Variants in COLGALT2 observed in about 807,000 individuals in gnomAD.
COLGALT2 encodes the protein collagen beta(1-O)galactosyltransferase 2.
Under a neutral mutation model 73.4 loss-of-function variants are expected in COLGALT2, and 49 were observed. The observed-to-expected ratio is 0.67, with a 90% confidence interval of 0.53 to 0.85. COLGALT2 has a LOEUF of 0.85. COLGALT2 is among the 40% of genes least tolerant of loss of function. COLGALT2 has a pLI of 0.00. For synonymous variants in COLGALT2, 295 were observed against 307.6 expected (o/e 0.96, Z 0.43); for missense variants, 722 against 790.2 (o/e 0.91, Z 1.03).
chr1:184,001,571 A>G (rs1329962858), intron 1 of COLGALT2, among the ~76,000 whole-genome samples: 4 of 151,774 alleles, frequency 2.6e-5, no homozygotes, highest in East Asian at 1.9e-4. Flanking sequence ...TTTTAACTCT[A>G]TTTTCCAGTT....
At chr1:183,945,729 T>C (rs1257966132) in intron 8 of COLGALT2, 165 bp from the exon 9 acceptor site, 14 of 734,866 alleles carry the variant, frequency 1.9e-5, no homozygotes, top group Non-Finnish European at 2.9e-5. Context: ...TGTGTCACAC[T>C]AGTATTATGA....
chr1:184,022,859 A>C (rs762410127), intron 1 of COLGALT2, among the ~76,000 whole-genome samples: 7 of 152,212 alleles, frequency 4.6e-5, no homozygotes, highest in Non-Finnish European at 8.8e-5. Flanking sequence ...CTTGAGCCCT[A>C]GTGTTACCAA....
intron 1 of COLGALT2, among the ~76,000 whole-genome samples, chr1:184,036,671 C>T (rs116183592): frequency 0.01 from 1,548 of 152,338 alleles, 22 homozygotes; most frequent in African/African-American, 0.035. Flanking sequence ...TCTGTCGTAT[C>T]TACATGGGAA....
In COLGALT2 at chr1:184,020,013, C is replaced by T. The variant is rs143335871; in HGVS notation, c.263+17082G>A. The stretch of plus-strand genomic sequence containing the variant: ...GAGATAAATGCAGATCTATTGGTGT[C>T]CAGCACTCGCCTGGTTTTTAGACTT... On this transcript the variant is annotated intron_variant, in intron 1 of 11. Transcript: ENST00000361927. Among the ~76,000 whole-genome samples the T allele has an allele frequency of 3.6e-3, 554 of 152,308 alleles. 3 individuals carry two copies. Among genetic ancestry groups the T allele is most frequent in the African/African-American group, 0.013 (533 of 41,566 alleles).
intron 1 of COLGALT2, among the ~76,000 whole-genome samples, chr1:184,036,130 G>A (rs1649665759): frequency 6.6e-6 from 1 of 152,120 alleles, no homozygotes; most frequent in Non-Finnish European, 1.5e-5. Flanking sequence ...CTTCTTGTCC[G>A]AGTACCTACC....
chr1:183,976,340 C>T (rs894089998), intron 2 of COLGALT2, among the ~76,000 whole-genome samples: 2 of 37,590 alleles, frequency 5.3e-5, no homozygotes, highest in South Asian at 7.7e-4. Context: ...TTGAGAAACA[C>T]ATATGTATAT....
intron 1 of COLGALT2, among the ~76,000 whole-genome samples, chr1:184,013,795 T>C (rs1310101893): frequency 1.3e-5 from 2 of 151,786 alleles, no homozygotes; most frequent in African/African-American, 2.4e-5. Flanking sequence ...AAATGGGAGA[T>C]GGCGGTGACT....
chr1:183,965,914 G>A (rs1464228958), intron 5 of COLGALT2, among the ~76,000 whole-genome samples: 1 of 152,204 alleles, frequency 6.6e-6, no homozygotes, highest in Non-Finnish European at 1.5e-5. Flanking sequence ...AGGGTGATGA[G>A]AAGAATGTGT....
rs536538067 is a variant in COLGALT2 at position 183,986,029 on chromosome 1, G to A, written c.264-7509C>T. Among the ~76,000 whole-genome samples, 37 of 152,184 alleles carry A rather than the reference G, an allele frequency of 2.4e-4. 1 individual carries two copies. Among genetic ancestry groups the A allele is most frequent in the African/African-American group, 8.9e-4 (37 of 41,506 alleles). On this transcript the variant is annotated intron_variant, in intron 1 of 11. Transcript: ENST00000361927. Reference sequence around the variant, plus strand: ...CATTTTCAAGAAAGGTCATATCATCGAGTCCCGCCACCTCTGTGTCCAGTC... The same window carrying A: ...CATTTTCAAGAAAGGTCATATCATCAAGTCCCGCCACCTCTGTGTCCAGTC...
chr1:183,984,659 G>C (rs540166351), intron 1 of COLGALT2, among the ~76,000 whole-genome samples: 97 of 152,262 alleles, frequency 6.4e-4, no homozygotes, highest in African/African-American at 1.9e-3. Flanking sequence ...TACCTGAAAA[G>C]GGAGTGCTGG....
chr1:184,017,724 C>A (rs1047160930), intron 1 of COLGALT2, among the ~76,000 whole-genome samples: 1 of 152,114 alleles, frequency 6.6e-6, no homozygotes, highest in East Asian at 1.9e-4. Flanking sequence ...TTGTGATGGG[C>A]CCCTGGAGCA....
intron 1 of COLGALT2, among the ~76,000 whole-genome samples, chr1:184,006,637 G>C (rs905976421): frequency 6.6e-6 from 1 of 151,428 alleles, no homozygotes; most frequent in Admixed American, 6.6e-5. Flanking sequence ...AAGATTATGA[G>C]GGCAAAGGAT....
At chr1:183,965,897 G>A (rs967200678) in intron 5 of COLGALT2, among the ~76,000 whole-genome samples, 3 of 152,168 alleles carry the variant, frequency 2.0e-5, no homozygotes, top group Non-Finnish European at 4.4e-5. Flanking sequence ...AATTACAATG[G>A]GAGAACAGGG....
chr1:184,023,618 T>G (rs1019404003), intron 1 of COLGALT2, among the ~76,000 whole-genome samples: 1 of 141,950 alleles, frequency 7.0e-6, no homozygotes, highest in Non-Finnish European at 1.5e-5. Context: ...ACTGCTGTTT[T>G]TGCTTTTTCC....
rs373604536 is a variant in COLGALT2 at position 184,024,982 on chromosome 1, C to T, written c.263+12113G>A. Among the ~76,000 whole-genome samples the T allele has an allele frequency of 2.6e-5, 4 of 152,322 alleles. No homozygotes were observed. In the East Asian group the frequency reaches 7.7e-4, roughly 29 times the overall value. On this transcript the variant is annotated intron_variant, in intron 1 of 11. Coordinates refer to ENST00000361927, the MANE Select transcript of COLGALT2 (RefSeq NM_015101.4). ...TCCAGAGGGACACTTAATAATCTGC[C>T]TCTCATAGGGCAAGGAGAGTTCAGC...
At chr1:184,023,819 T>C (rs887065424) in intron 1 of COLGALT2, among the ~76,000 whole-genome samples, 14 of 152,210 alleles carry the variant, frequency 9.2e-5, no homozygotes, top group Admixed American at 5.9e-4. Context: ...CCTGGAACTA[T>C]CTCCTCTGAC....
chr1:184,002,861 C>T (rs1466011558), intron 1 of COLGALT2, among the ~76,000 whole-genome samples: 1 of 152,014 alleles, frequency 6.6e-6, no homozygotes, highest in Non-Finnish European at 1.5e-5. Context: ...CCAGCAATAC[C>T]ACTTATAAGA....
intron 6 of COLGALT2, 34 bp from the exon 7 acceptor site, chr1:183,954,872 T>C (rs1275378305): frequency 6.6e-7 from 1 of 1,521,606 alleles, no homozygotes; most frequent in South Asian, 1.1e-5. Flanking sequence ...GAGTGCTTTG[T>C]TAATGAAAGG....
intron 2 of COLGALT2, among the ~76,000 whole-genome samples, chr1:183,976,934 C>G (rs1671211340): frequency 6.6e-6 from 1 of 152,210 alleles, no homozygotes; most frequent in African/African-American, 2.4e-5. Context: ...TCTTCCAGGA[C>G]CTGCACAAGC....
Sources: gnomAD v4.1 joint callset for allele counts (sites outside exome capture counted in the v4.1 genomes callset) on GRCh38, gnomAD v4.1.1 for gene constraint, MANE v1.5 for transcripts, NCBI Gene and HGNC (gene_info 2026-07-23, HGNC 2026-07-21) for gene names.